The following PTPRG variants were observed in gnomAD, a reference collection of about 807,000 sequenced individuals.
The protein encoded by PTPRG is receptor-type tyrosine-protein phosphatase gamma.
Under a neutral mutation model 165.3 loss-of-function variants are expected in PTPRG, and 102 were observed. The observed-to-expected ratio is 0.62, with a 90% CI of 0.53 to 0.73. PTPRG has a LOEUF of 0.73. PTPRG is among the 30% of genes least tolerant of loss of function. PTPRG has a pLI of 0.00. For synonymous variants in PTPRG, 675 were observed against 669.5 expected, an observed-to-expected ratio of 1.01 and a Z score of -0.13; for missense variants, 1,866 against 1,861.4, an observed-to-expected ratio of 1.00 and a Z score of -0.05.
chr3:61,908,960 TG>T (rs1318554643), intron 2 of PTPRG, among the ~76,000 whole-genome samples: 2 of 152,200 alleles, frequency 1.3e-5, no homozygotes, highest in African/African-American at 2.4e-5. Flanking sequence ...TTCACTGACT[TG>T]CCCTTTCACT....
intron 1 of PTPRG, among the ~76,000 whole-genome samples, chr3:61,651,020 C>T (rs1261833800): frequency 6.6e-6 from 1 of 152,068 alleles, no homozygotes; most frequent in Non-Finnish European, 1.5e-5. Flanking sequence ...TCTAATGGCT[C>T]CGATAAATTA....
chr3:61,846,422 GCTTCAGAGTCA>G (rs531395647), intron 2 of PTPRG, among the ~76,000 whole-genome samples: 1,762 of 152,090 alleles, frequency 0.012, 13 homozygotes, highest in Middle Eastern at 0.048. Context: ...CAAGAAACAG[GCTTCAGAGTCA>G]AAAAAAACAC....
At chr3:61,812,372 G>C (rs1176865229) in intron 2 of PTPRG, among the ~76,000 whole-genome samples, 2 of 152,090 alleles carry the variant, frequency 1.3e-5, no homozygotes, top group Non-Finnish European at 2.9e-5. Flanking sequence ...TTCAGGATGT[G>C]ATCAATTTTT....
chr3:62,204,066 A>G (rs554216133), intron 12 of PTPRG, 116 bp downstream of exon 12: 1 of 1,427,468 alleles, frequency 7.0e-7, no homozygotes, highest in East Asian at 2.4e-5. Flanking sequence ...TCTTAGAATC[A>G]TATATGTCTG....
At chr3:61,793,919 A>T (rs944977490) in intron 2 of PTPRG, among the ~76,000 whole-genome samples, 5 of 152,164 alleles carry the variant, frequency 3.3e-5, no homozygotes, top group Non-Finnish European at 7.3e-5. Flanking sequence ...ATTAAATTAG[A>T]ACTAGCCTGA....
At chr3:62,122,593 T>G (rs1703117702) in intron 5 of PTPRG, among the ~76,000 whole-genome samples, 1 of 152,234 alleles carries the variant, frequency 6.6e-6, no homozygotes, top group South Asian at 2.1e-4. Context: ...GTGGCACCTT[T>G]CACTTAGGTT....
intron 2 of PTPRG, among the ~76,000 whole-genome samples, chr3:61,873,415 T>A (rs912916548): frequency 1.3e-5 from 2 of 152,154 alleles, no homozygotes; most frequent in African/African-American, 4.8e-5. Flanking sequence ...AAATATGAAA[T>A]CATATTTTAA....
At chr3:62,081,827 A>T (rs1701593713) in intron 5 of PTPRG, among the ~76,000 whole-genome samples, 1 of 152,252 alleles carries the variant, frequency 6.6e-6, no homozygotes, top group South Asian at 2.1e-4. Flanking sequence ...AAAATAGAGA[A>T]ATCTTGGTGT....
intron 2 of PTPRG, among the ~76,000 whole-genome samples, chr3:61,827,416 T>C (rs1230992154): frequency 6.6e-6 from 1 of 152,170 alleles, no homozygotes; most frequent in African/African-American, 2.4e-5. Flanking sequence ...CACCCCATCA[T>C]ACTATAGGAA....
chr3:61,719,083 C>A (rs1182880298), intron 1 of PTPRG, among the ~76,000 whole-genome samples: 1 of 152,212 alleles, frequency 6.6e-6, no homozygotes, highest in Admixed American at 6.5e-5. Context: ...ATTTCCACTT[C>A]TCCTCTTGTA....
At chr3:61,780,189 C>A (rs952311672) in intron 2 of PTPRG, among the ~76,000 whole-genome samples, 1 of 152,148 alleles carries the variant, frequency 6.6e-6, no homozygotes, top group African/African-American at 2.4e-5. Context: ...AAAGTTTAAT[C>A]AAGTGATGAC....
In PTPRG at chr3:62,092,439, GAAAAA is replaced by G. The variant is rs55955359; in HGVS notation, c.615+14197_615+14201del. 8.1e-3 allele frequency among the ~76,000 whole-genome samples: 721 copies of G among 89,432 alleles called. 6 individuals carry two copies. Among genetic ancestry groups the G allele is most frequent in the African/African-American group, 0.035 (693 of 19,882 alleles). The allele number at this position is 89,432 out of a possible 152,430, so 58.7% of individuals were successfully genotyped here. ...TGGGCAACAGAGCAAGAGTCCATCT[GAAAAA>G]AAAAAAAAAAAAAAAGAAAAAGACA... On this transcript the variant is annotated intron_variant, in intron 5 of 29. Transcript: ENST00000474889.
chr3:62,210,568 G>A lies in PTPRG; in HGVS notation c.2155+6618G>A, dbSNP rs1350402891. ...CATATGATTTAGCAGTTCTACTTCT[G>A]GGTATACACTTGACCCTTGAAAAAC... On this transcript the variant is annotated intron_variant, in intron 12 of 29. Transcript: ENST00000474889. The surrounding 1 kb of genome is among the most constrained non-coding windows in gnomAD (Gnocchi z 4.1). Among the ~76,000 whole-genome samples, 1 of 152,104 alleles carries A rather than the reference G, an allele frequency of 6.6e-6. No individual in the cohort carries two copies. The highest frequency in any genetic ancestry group is 1.5e-5 in the Non-Finnish European group (1 of 68,034).
chr3:61,598,918 T>C (rs1700771342), intron 1 of PTPRG, among the ~76,000 whole-genome samples: 1 of 152,094 alleles, frequency 6.6e-6, no homozygotes, highest in Non-Finnish European at 1.5e-5. Flanking sequence ...GTGTCCAAGT[T>C]TCTCCTTGCT....
At chr3:61,916,281 C>T (rs1198717684) in intron 2 of PTPRG, among the ~76,000 whole-genome samples, 1 of 152,042 alleles carries the variant, frequency 6.6e-6, no homozygotes. Flanking sequence ...GTGTATAGAG[C>T]TACACTATTT....
At chr3:61,679,939 C>T (rs1000430215) in intron 1 of PTPRG, among the ~76,000 whole-genome samples, 5 of 152,110 alleles carry the variant, frequency 3.3e-5, no homozygotes, top group Admixed American at 2.6e-4. Flanking sequence ...TTCGGCTTGT[C>T]CCACTTTTCT....
intron 4 of PTPRG, among the ~76,000 whole-genome samples, chr3:62,030,906 T>C (rs1223607793): frequency 3.3e-5 from 5 of 152,166 alleles, no homozygotes; most frequent in Non-Finnish European, 7.4e-5. Flanking sequence ...GCAGATGCTT[T>C]AGATTTAGTC....
chr3:62,294,934 T>G lies in PTPRG; in HGVS notation c.*1627T>G, dbSNP rs1364602999. On this transcript the variant is annotated 3_prime_UTR_variant, in exon 30 of 30. Transcript: ENST00000474889. ...ATCTTGATTTGGCTTTCATAAAGTT[T>G]GTCAGAATGGTGCTGGAGGACCAGA... is the stretch of plus-strand genomic sequence containing the variant. 6.6e-6 allele frequency: 1 copy of G among 152,116 alleles called. No individual in the cohort carries two copies. Among genetic ancestry groups the G allele is most frequent in the Non-Finnish European group, 1.5e-5 (1 of 68,004 alleles). The allele number at this position is 152,116 out of a possible 1,614,324, so 9.4% of individuals were successfully genotyped here. A position where few individuals can be genotyped will look rare whatever the true frequency, so the allele number is the denominator to read the frequency against.
chr3:61,682,161 A>AAAAT (rs1703466636), intron 1 of PTPRG, among the ~76,000 whole-genome samples: 2 of 151,608 alleles, frequency 1.3e-5, no homozygotes, highest in South Asian at 4.2e-4. Context: ...AAAAAAAAAA[A>AAAAT]AAAAAAGTGA....
Sources: gnomAD v4.1 joint callset for allele counts (sites outside exome capture counted in the v4.1 genomes callset) on GRCh38, gnomAD v4.1.1 for gene constraint, Gnocchi (gnomAD v3.1) non-coding constraint, MANE v1.5 for transcripts, NCBI Gene and HGNC (gene_info 2026-07-23, HGNC 2026-07-21) for gene names.